The following TBX20 variants were observed in gnomAD, a reference collection of about 807,000 sequenced individuals.
TBX20 encodes the protein T-box transcription factor 20.
TBX20 carries 8 observed loss-of-function variants against 42.9 expected under a neutral mutation model. The ratio of observed to expected loss-of-function variants is 0.19; its 90% confidence interval spans 0.11 to 0.34. The LOEUF (loss-of-function observed/expected upper bound fraction) is 0.34, where lower values mean the gene tolerates loss of function less well. TBX20 is among the 10% of genes least tolerant of loss of function. TBX20 has a pLI of 1.00. For missense variants in TBX20, 411 were observed against 566.0 expected (o/e 0.73, Z 2.78); for synonymous variants, 198 against 222.8 (o/e 0.89, Z 0.99).
intron 5 of TBX20, among the ~76,000 whole-genome samples, chr7:35,240,289 G>A (rs1790049823): frequency 6.6e-6 from 1 of 152,074 alleles, no homozygotes; most frequent in Admixed American, 6.6e-5. Flanking sequence ...TCAGATTTTG[G>A]AGCATTCAGA....
intron 5 of TBX20, among the ~76,000 whole-genome samples, chr7:35,233,540 C>T (rs560264676): frequency 3.7e-4 from 57 of 152,334 alleles, no homozygotes; most frequent in African/African-American, 1.3e-3. Context: ...CACACAGCTA[C>T]CACTCTCTGA....
intron 6 of TBX20, 71 bp downstream of exon 6, chr7:35,231,433 G>C: frequency 2.0e-6 from 2 of 992,330 alleles, no homozygotes; most frequent in South Asian, 1.3e-5. Flanking sequence ...GTCGAAAGGA[G>C]TGTGTTGTTA....
chr7:35,211,357 T>C (rs748855992), intron 6 of TBX20, among the ~76,000 whole-genome samples: 5 of 152,168 alleles, frequency 3.3e-5, no homozygotes, highest in Non-Finnish European at 5.9e-5. Flanking sequence ...CAGATTGACA[T>C]CTGGTATAAT....
intron 6 of TBX20, among the ~76,000 whole-genome samples, chr7:35,213,712 A>G (rs1789534833): frequency 1.3e-5 from 2 of 152,004 alleles, no homozygotes; most frequent in Admixed American, 1.3e-4. Context: ...GAATGAATAG[A>G]TGAGTAGGTG....
intron 6 of TBX20, among the ~76,000 whole-genome samples, chr7:35,225,014 G>A (rs908805149): frequency 6.6e-6 from 1 of 151,882 alleles, no homozygotes; most frequent in Non-Finnish European, 1.5e-5. Context: ...ATTTTTAAAA[G>A]TATAACTACT....
At chr7:35,235,152 T>G (rs1789939316) in intron 5 of TBX20, among the ~76,000 whole-genome samples, 1 of 151,960 alleles carries the variant, frequency 6.6e-6, no homozygotes, top group Non-Finnish European at 1.5e-5. Flanking sequence ...TAGCAAAATT[T>G]TAACATTCTA....
At chr7:35,234,393 T>C (rs1789922953) in intron 5 of TBX20, among the ~76,000 whole-genome samples, 1 of 152,168 alleles carries the variant, frequency 6.6e-6, no homozygotes, top group African/African-American at 2.4e-5. Context: ...CCACAGAAAA[T>C]ACATACTCTC....
chr7:35,202,739 A>G lies in TBX20; in HGVS notation c.1035T>C (p.Ser345=). The G allele has an allele frequency of 6.4e-7, 1 of 1,568,808 alleles. No homozygotes were observed. The highest frequency in any genetic ancestry group is 8.6e-7 in the Non-Finnish European group (1 of 1,156,886). ...GSAFTTSDNL[S]LSSWVSSSSS... is the part of the protein sequence containing the mutation. ...AAGAAGATGATACCCAGGAGCTGAG[A>G]GACAAATTATCAGATGTTGTAAAGG... The change falls in exon 8 of 8, where the codon TCT becomes TCC. Residue 345 remains serine (S), a synonymous_variant. Coordinates refer to ENST00000408931, the MANE Select transcript of TBX20 (RefSeq NM_001077653.2).
At chr7:35,235,829 A>G (rs947204790) in intron 5 of TBX20, among the ~76,000 whole-genome samples, 3 of 152,152 alleles carry the variant, frequency 2.0e-5, no homozygotes, top group African/African-American at 7.2e-5. Flanking sequence ...GTTATTCTGT[A>G]TAATATCACT....
At chr7:35,252,796 G>T (rs1407672894) in intron 1 of TBX20, among the ~76,000 whole-genome samples, 2 of 152,170 alleles carry the variant, frequency 1.3e-5, no homozygotes, top group Non-Finnish European at 2.9e-5. Flanking sequence ...GTGTTAAGAA[G>T]AACATAATCC....
chr7:35,208,053 C>A (rs1789429296), intron 6 of TBX20, among the ~76,000 whole-genome samples: 1 of 152,112 alleles, frequency 6.6e-6, no homozygotes, highest in African/African-American at 2.4e-5. Context: ...ATATTGCATC[C>A]TTCAAATCAT....
intron 6 of TBX20, among the ~76,000 whole-genome samples, chr7:35,216,542 CAATA>C (rs1188792219): frequency 6.6e-6 from 1 of 152,228 alleles, no homozygotes; most frequent in Admixed American, 6.5e-5. Context: ...CATAAGTGCT[CAATA>C]AATGTTTATA....
chr7:35,226,395 T>A (rs376925620), intron 6 of TBX20, among the ~76,000 whole-genome samples: 3 of 124,758 alleles, frequency 2.4e-5, no homozygotes, highest in African/African-American at 3.1e-5. Flanking sequence ...GAGAACAAGG[T>A]GAACAATCCA....
intron 5 of TBX20, among the ~76,000 whole-genome samples, chr7:35,233,318 T>A (rs186045637): frequency 0.011 from 1,674 of 152,320 alleles, 30 homozygotes; most frequent in African/African-American, 0.038. Flanking sequence ...ATACTAATTT[T>A]AAAAAACATT....
chr7:35,234,728 A>C (rs1286574454), intron 5 of TBX20, among the ~76,000 whole-genome samples: 1 of 151,934 alleles, frequency 6.6e-6, no homozygotes, highest in Non-Finnish European at 1.5e-5. Context: ...ATTCAAAACA[A>C]TTACATTCTC....
intron 6 of TBX20, among the ~76,000 whole-genome samples, chr7:35,206,211 T>A (rs938346921): frequency 1.3e-5 from 2 of 152,188 alleles, no homozygotes; most frequent in African/African-American, 2.4e-5. Flanking sequence ...ACAAACTATA[T>A]TGAGATATGA....
chr7:35,227,241 TTA>T (rs1339315677), intron 6 of TBX20, among the ~76,000 whole-genome samples: 1 of 152,148 alleles, frequency 6.6e-6, no homozygotes, highest in Admixed American at 6.6e-5. Context: ...AGTAAAACTG[TTA>T]TAATAAGCTA....
chr7:35,247,157 C>A (rs1584358424), intron 3 of TBX20, among the ~76,000 whole-genome samples: 3 of 105,282 alleles, frequency 2.8e-5, no homozygotes, highest in African/African-American at 1.1e-4. Flanking sequence ...AGAGGAAAGA[C>A]TGGAGGGCAA....
At chr7:35,218,671 G>A (rs1171185082) in intron 6 of TBX20, among the ~76,000 whole-genome samples, 1 of 152,002 alleles carries the variant, frequency 6.6e-6, no homozygotes, top group Non-Finnish European at 1.5e-5. Flanking sequence ...ATAATATGTT[G>A]CTCTATATTC....
Sources: gnomAD v4.1 joint callset for allele counts (sites outside exome capture counted in the v4.1 genomes callset) on GRCh38, gnomAD v4.1.1 for gene constraint, MANE v1.5 for transcripts, NCBI Gene and HGNC (gene_info 2026-07-23, HGNC 2026-07-21) for gene names.